ENTREP2: variants seen among roughly 807,000 people sequenced by gnomAD.
ENTREP2 encodes protein ENTREP2.
chr15:29,622,103 G>GA, the ENTREP2 span, among the ~76,000 whole-genome samples: 1 of 152,112 alleles, frequency 6.6e-6, no homozygotes, highest in Non-Finnish European at 1.5e-5. Flanking sequence ...TTTGCAAGAT[G>GA]AAAAGAGTCC....
chr15:29,529,254 A>AG, the ENTREP2 span, among the ~76,000 whole-genome samples: 2 of 19,554 alleles, frequency 1.0e-4, no homozygotes, highest in Non-Finnish European at 2.2e-4. Flanking sequence ...GGGGTGTGTG[A>AG]GGGTGTGGAG....
the ENTREP2 span, among the ~76,000 whole-genome samples, chr15:29,634,905 A>G: frequency 1.3e-5 from 2 of 152,160 alleles, no homozygotes; most frequent in African/African-American, 4.8e-5. Context: ...CGCCCTCCCC[A>G]GGGACCACCC....
chr15:29,126,562 T>G, the ENTREP2 span: 1 of 1,327,442 alleles, frequency 7.5e-7, no homozygotes, highest in Non-Finnish European at 1.0e-6. Flanking sequence ...GGCCTGCCCC[T>G]CAAACTCCAG....
chr15:29,177,227 G>A, the ENTREP2 span, among the ~76,000 whole-genome samples: 1 of 152,286 alleles, frequency 6.6e-6, no homozygotes, highest in African/African-American at 2.4e-5. Context: ...CCGCTCTCGT[G>A]TATGGGACTC....
At chr15:29,180,535 AC>A in the ENTREP2 span, among the ~76,000 whole-genome samples, 1 of 152,136 alleles carries the variant, frequency 6.6e-6, no homozygotes, top group South Asian at 2.1e-4. Flanking sequence ...GTGGTGGCAC[AC>A]GGCTGTGATC....
the ENTREP2 span, among the ~76,000 whole-genome samples, chr15:29,574,115 C>T: frequency 1.3e-5 from 2 of 149,724 alleles, no homozygotes; most frequent in African/African-American, 2.6e-5. Flanking sequence ...GCACTGATCA[C>T]GACAACTCAT....
At chr15:29,659,921 C>G in the ENTREP2 span, among the ~76,000 whole-genome samples, 2 of 152,048 alleles carry the variant, frequency 1.3e-5, no homozygotes, top group South Asian at 4.1e-4. Context: ...GCCTCGGCCT[C>G]CCGAGTAGCT....
chr15:29,362,486 T>C, the ENTREP2 span, among the ~76,000 whole-genome samples: 1 of 148,862 alleles, frequency 6.7e-6, no homozygotes, highest in Admixed American at 6.7e-5. Context: ...GAGATTCTCC[T>C]GCCTCAGCCT....
the ENTREP2 span, among the ~76,000 whole-genome samples, chr15:29,131,420 C>T: frequency 0.01 from 1,582 of 151,580 alleles, 30 homozygotes; most frequent in African/African-American, 0.036. Context: ...ATCACTGGGT[C>T]GCACCCAAGA....
the ENTREP2 span, among the ~76,000 whole-genome samples, chr15:29,263,158 G>C: frequency 6.6e-6 from 1 of 152,110 alleles, no homozygotes; most frequent in Non-Finnish European, 1.5e-5. Flanking sequence ...AATTTCAAAA[G>C]AAGAGAAAAC....
At chr15:29,127,316 C>T in the ENTREP2 span, among the ~76,000 whole-genome samples, 1 of 152,144 alleles carries the variant, frequency 6.6e-6, no homozygotes, top group African/African-American at 2.4e-5. Context: ...CCTCAGAGCC[C>T]CCTCCTGGCG....
At chr15:29,372,027 A>G in the ENTREP2 span, among the ~76,000 whole-genome samples, 1 of 152,268 alleles carries the variant, frequency 6.6e-6, no homozygotes, top group Admixed American at 6.5e-5. Flanking sequence ...ACGAATAACT[A>G]GAACTAGTTT....
At chr15:29,534,836 CAA>C in the ENTREP2 span, among the ~76,000 whole-genome samples, 1 of 151,906 alleles carries the variant, frequency 6.6e-6, no homozygotes, top group East Asian at 1.9e-4. Context: ...GTTCCCAGCA[CAA>C]AAAAAGGCAC....
At chr15:29,234,270 G>A in the ENTREP2 span, 11 of 1,612,494 alleles carry the variant, frequency 6.8e-6, no homozygotes, top group South Asian at 1.1e-4. Context: ...GGAGTTTTAA[G>A]TTCTCGTGCT....
the ENTREP2 span, among the ~76,000 whole-genome samples, chr15:29,305,221 G>C: frequency 1.3e-5 from 2 of 152,312 alleles, no homozygotes; most frequent in East Asian, 3.9e-4. Flanking sequence ...TAAATTCTCT[G>C]CCAGAATTTC....
chr15:29,136,279 G>C, the ENTREP2 span: 3 of 1,365,968 alleles, frequency 2.2e-6, no homozygotes, highest in South Asian at 5.0e-5. Flanking sequence ...GACCTGGCGC[G>C]GTGTGAGGTG....
chr15:29,170,398 C>T, the ENTREP2 span, among the ~76,000 whole-genome samples: 13 of 147,060 alleles, frequency 8.8e-5, no homozygotes, highest in Admixed American at 4.1e-4. Flanking sequence ...ATACGATTTA[C>T]AATAGCAAAA....
chr15:29,651,751 G>A, the ENTREP2 span, among the ~76,000 whole-genome samples: 961 of 152,340 alleles, frequency 6.3e-3, 17 homozygotes, highest in Admixed American at 6.9e-3. Flanking sequence ...GCTCCCTACC[G>A]CCTCAGCCCC....
At chr15:29,595,067 CAAAAAAAAAAAAAAA>C in the ENTREP2 span, among the ~76,000 whole-genome samples, 1 of 86,612 alleles carries the variant, frequency 1.2e-5, no homozygotes, top group African/African-American at 5.3e-5. Flanking sequence ...GACTCCGTCT[CAAAAAAAAAAAAAAA>C]AAAAAAAAAA....
Sources: gnomAD v4.1 joint callset for allele counts (sites outside exome capture counted in the v4.1 genomes callset) on GRCh38, gnomAD v4.1.1 for gene constraint, MANE v1.5 for transcripts, NCBI Gene and HGNC (gene_info 2026-07-23, HGNC 2026-07-21) for gene names.